The following CYP4F2 variants were observed in gnomAD, a reference collection of about 807,000 sequenced individuals.
CYP4F2 encodes the protein cytochrome P450 4F2.
Under a neutral mutation model 58.9 loss-of-function variants are expected in CYP4F2, and 58 were observed. The ratio of observed to expected loss-of-function variants is 0.98; its 90% CI spans 0.80 to 1.23. The LOEUF (loss-of-function observed/expected upper bound fraction) is 1.23. CYP4F2 is among the 50% of genes most tolerant of loss of function. CYP4F2 has a pLI of 0.00. For synonymous variants in CYP4F2, 287 were observed against 261.1 expected (o/e 1.10, Z -0.95); for missense variants, 616 against 685.6 (o/e 0.90, Z 1.13).
In CYP4F2 at chr19:15,889,558, G is replaced by A; in HGVS notation, c.783C>T (p.Arg261=). 1.2e-6 allele frequency: 2 copies of A among 1,614,220 alleles called. No homozygotes were observed. Among genetic ancestry groups the A allele is most frequent in the Non-Finnish European group, 1.7e-6 (2 of 1,180,046 alleles). ...CGGCATCTGTGAAGTCGTGCACCAG[G>A]CGGCAGGCCCTGCGGAAACGCTGCC... is the stretch of plus-strand genomic sequence containing the variant. ...PDGQRFRRAC[R]LVHDFTDAVI... The change falls in exon 7 of 13, where the codon CGC becomes CGT. Residue 261 remains arginine, a synonymous_variant. Coordinates refer to ENST00000221700, the MANE Select transcript of CYP4F2 (RefSeq NM_001082.5).
chr19:15,889,807 C>T, intron 6 of CYP4F2, 114 bp from the exon 7 acceptor site: 7 of 1,447,380 alleles, frequency 4.8e-6, no homozygotes, highest in Non-Finnish European at 5.7e-6. Context: ...TATCCAGGAA[C>T]AGATGACCCC....
chr19:15,897,830 A>AG, intron 1 of CYP4F2, 196 bp downstream of exon 1: 1 of 550,332 alleles, frequency 1.8e-6, no homozygotes, highest in Non-Finnish European at 3.2e-6. Context: ...TTAGAATGGG[A>AG]AAGAGAGAGA....
intron 9 of CYP4F2, 70 bp downstream of exon 9, chr19:15,885,854 T>A (rs1194917660): frequency 6.4e-7 from 1 of 1,553,398 alleles, no homozygotes; most frequent in East Asian, 2.3e-5. Flanking sequence ...CAGCTTTTCC[T>A]CCCCTCCCCA....
chr19:15,894,530 GTGACCT>G (rs960489289), intron 3 of CYP4F2, among the ~76,000 whole-genome samples: 117 of 152,322 alleles, frequency 7.7e-4, no homozygotes, highest in African/African-American at 2.7e-3. Context: ...CAGATTTCCA[GTGACCT>G]TGTGTGAGAC....
At chr19:15,892,499 TC>T (rs1041651602) in intron 4 of CYP4F2, 29 bp downstream of exon 4, 1 of 1,613,956 alleles carries the variant, frequency 6.2e-7, no homozygotes, top group Non-Finnish European at 8.5e-7. Context: ...CCAACGTTTT[TC>T]CCAACCCTGT....
chr19:15,879,145 GA>G (rs1304054374), intron 12 of CYP4F2, among the ~76,000 whole-genome samples, 200 bp downstream of exon 12: 4 of 152,170 alleles, frequency 2.6e-5, no homozygotes, highest in African/African-American at 7.2e-5. Context: ...GGTGGGGTAG[GA>G]GGGGGCTCTG....
At chr19:15,886,084 T>C in intron 8 of CYP4F2, 31 bp from the exon 9 acceptor site, 1 of 1,610,300 alleles carries the variant, frequency 6.2e-7, no homozygotes, top group Non-Finnish European at 8.5e-7. Flanking sequence ...CTTGGGTCTC[T>C]GGGCTGCTTC....
At chr19:15,883,960 G>A (rs778820707) in intron 9 of CYP4F2, among the ~76,000 whole-genome samples, 4 of 152,150 alleles carry the variant, frequency 2.6e-5, no homozygotes, top group Non-Finnish European at 4.4e-5. Context: ...TTGGGAGGCT[G>A]AGGCAGAAGA....
chr19:15,886,512 C>G, intron 7 of CYP4F2: 1 of 594,880 alleles, frequency 1.7e-6, no homozygotes, highest in Non-Finnish European at 2.9e-6. Flanking sequence ...GCTTCCTTGC[C>G]TCCTCTTGGG....
In CYP4F2 at chr19:15,878,031, C is replaced by T. The variant is rs948438443; in HGVS notation, c.*740G>A. On this transcript the variant is annotated 3_prime_UTR_variant, in exon 13 of 13. Coordinates refer to ENST00000221700, the MANE Select transcript of CYP4F2 (RefSeq NM_001082.5). ...TTTTGAGGACCACAAAATAATGTTT[C>T]CTAAGATGATTTAATGTCATGGAAA... 5 of 151,996 alleles carry T rather than the reference C, an allele frequency of 3.3e-5. No individual in the cohort carries two copies. The highest frequency in any genetic ancestry group is 3.9e-4 in the East Asian group (2 of 5,190). 9.4% of individuals were successfully genotyped at this position (151,996 alleles called of 1,614,324 possible).
chr19:15,890,860 T>A (rs2089412209), intron 5 of CYP4F2, among the ~76,000 whole-genome samples: 1 of 152,202 alleles, frequency 6.6e-6, no homozygotes, highest in Non-Finnish European at 1.5e-5. Flanking sequence ...TTTCATCATC[T>A]ACCATGGGGC....
intron 5 of CYP4F2, 43 bp from the exon 6 acceptor site, chr19:15,890,476 C>T (rs2089410212): frequency 1.2e-6 from 2 of 1,609,060 alleles, no homozygotes; most frequent in South Asian, 1.1e-5. Flanking sequence ...CTCCTTGCTC[C>T]CTTGAGCACC....
chr19:15,883,958 C>T (rs1243300410), intron 9 of CYP4F2, among the ~76,000 whole-genome samples: 1 of 152,180 alleles, frequency 6.6e-6, no homozygotes, highest in African/African-American at 2.4e-5. Flanking sequence ...GCTTGGGAGG[C>T]TGAGGCAGAA....
chr19:15,897,917 A>C, intron 1 of CYP4F2, 109 bp downstream of exon 1: 1 of 330,600 alleles, frequency 3.0e-6, no homozygotes. Flanking sequence ...GTTACTCGGA[A>C]ACCACCCATC....
rs1284674978 is a variant in CYP4F2 at position 15,885,804 on chromosome 19, T to C, written c.1115+120A>G. 3 of 1,449,824 alleles carry C rather than the reference T, an allele frequency of 2.1e-6. No homozygotes were observed. In the African/African-American group the frequency reaches 4.3e-5, roughly 21 times the overall value. 89.8% of individuals were successfully genotyped at this position (1,449,824 alleles called of 1,614,324 possible). ...CTAAGTCCTGCCTGTGGTCCTCTGC[T>C]CCTATTCCCACTAGGCAATAGTGGC... On this transcript the variant is annotated intron_variant, in intron 9 of 12. Transcript: ENST00000221700.
intron 5 of CYP4F2, among the ~76,000 whole-genome samples, chr19:15,891,121 G>T (rs1351162924): frequency 1.3e-5 from 2 of 152,156 alleles, no homozygotes; most frequent in African/African-American, 4.8e-5. Flanking sequence ...TCCTTAACAT[G>T]GAAAATTTCT....
In CYP4F2 at chr19:15,879,747, C is replaced by G; in HGVS notation, c.1249+17G>C. On this transcript the variant is annotated intron_variant, in intron 10 of 12. Transcript: ENST00000221700. ...TCTTCCTACCCAGGAGACTCCTCCC[C>G]GTGAGGCTGTGAGCACCTTTGGGGA... 3.1e-6 allele frequency: 5 copies of G among 1,613,908 alleles called. No homozygotes were observed. The highest frequency in any genetic ancestry group is 4.2e-6 in the Non-Finnish European group (5 of 1,179,886).
intron 9 of CYP4F2, among the ~76,000 whole-genome samples, chr19:15,883,053 G>A (rs1305884623): frequency 1.3e-5 from 2 of 152,086 alleles, no homozygotes; most frequent in Non-Finnish European, 2.9e-5. Context: ...TATACTCCAG[G>A]ACATGGGTCC....
chr19:15,897,968 T>C (rs1007394914), intron 1 of CYP4F2, 58 bp downstream of exon 1: 15 of 265,564 alleles, frequency 5.6e-5, no homozygotes, highest in African/African-American at 3.3e-4. Context: ...CCTTGGGCAG[T>C]GCCCCTCTCC....
Sources: allele counts gnomAD v4.1 joint callset (sites outside exome capture counted in the v4.1 genomes callset), GRCh38; gene constraint gnomAD v4.1.1; transcripts MANE v1.5; gene names NCBI Gene and HGNC (gene_info 2026-07-23, HGNC 2026-07-21).